The following CELF2 variants were observed in gnomAD, a reference collection of about 807,000 sequenced individuals.
CELF2 encodes CUG triplet repeat RNA-binding protein 2.
CELF2 carries 8 observed loss-of-function variants against 62.6 expected under a neutral mutation model. The observed-to-expected ratio is 0.13, with a 90% CI of 0.07 to 0.23. The LOEUF (loss-of-function observed/expected upper bound fraction) is 0.23, where lower values mean the gene tolerates loss of function less well. CELF2 is among the 10% of genes least tolerant of loss of function. The pLI, the probability that CELF2 is intolerant of heterozygous loss-of-function variation, is 1.00. For missense variants in CELF2, 333 were observed against 671.0 expected, an observed-to-expected ratio of 0.50 and a Z score of 5.56; for synonymous variants, 258 against 250.0, an observed-to-expected ratio of 1.03 and a Z score of -0.30.
At chr10:10,508,966 G>A in the CELF2 span, among the ~76,000 whole-genome samples, 13 of 152,024 alleles carry the variant, frequency 8.6e-5, no homozygotes, top group Non-Finnish European at 1.9e-4. Context: ...GAGCCACTGC[G>A]CCCGGCCCAG....
rs538626463 is a variant in CELF2 at position 11,165,871 on chromosome 10, C to T, written c.271+189C>T. 1.3e-5 allele frequency among the ~76,000 whole-genome samples: 2 copies of T among 152,310 alleles called. No homozygotes were observed. The highest frequency in any genetic ancestry group is 2.1e-4 in the South Asian group (1 of 4,830). On this transcript the variant is annotated intron_variant, in intron 2 of 12. Transcript: ENST00000633077. This position sits in a 1 kb window ranked among gnomAD's most constrained non-coding sequence, Gnocchi z 7.4. ...CCCGCACCCCCGCCCGCCTGCCCGC[C>T]GGGACAGGTTGGAGGCGGGAGAGAG...
intron 1 of CELF2, among the ~76,000 whole-genome samples, chr10:10,890,427 T>G (rs1223285604): frequency 1.3e-5 from 2 of 152,200 alleles, no homozygotes; most frequent in Non-Finnish European, 2.9e-5. Flanking sequence ...AAATGCTTTG[T>G]CAACTACAAA....
chr10:11,077,243 G>A (rs1355383732), intron 1 of CELF2, among the ~76,000 whole-genome samples: 4 of 152,220 alleles, frequency 2.6e-5, no homozygotes, highest in Non-Finnish European at 4.4e-5. Flanking sequence ...GGAGGAATGT[G>A]TGCCAACACC....
chr10:11,266,837 C>T (rs2082285333), intron 6 of CELF2, among the ~76,000 whole-genome samples, 160 bp downstream of exon 6: 1 of 152,176 alleles, frequency 6.6e-6, no homozygotes, highest in South Asian at 2.1e-4. Context: ...TTCTCTCTCT[C>T]TCTCTCTTTC....
At chr10:10,549,358 A>G in the CELF2 span, among the ~76,000 whole-genome samples, 6 of 152,320 alleles carry the variant, frequency 3.9e-5, no homozygotes, top group South Asian at 1.2e-3. Context: ...ATCTTGGCTC[A>G]CTGCAACTTC....
rs571191862 is a variant in CELF2, at chr10:11,211,876, G to A, written c.272-5549G>A. 6.8e-6 allele frequency among the ~76,000 whole-genome samples: 1 copy of A among 147,960 alleles called. No individual in the cohort carries two copies. Among genetic ancestry groups the A allele is most frequent in the South Asian group, 2.2e-4 (1 of 4,618 alleles). On this transcript the variant is annotated intron_variant, in intron 2 of 12. Coordinates refer to ENST00000633077, the MANE Select transcript of CELF2 (RefSeq NM_001326342.2). The surrounding 1 kb of genome is among the most constrained non-coding windows in gnomAD (Gnocchi z 4.8). ...TGTGTAACTACCATTGGCCTTTGGG[G>A]CTTTATCTTTGGAAACAGCAAAAAT...
chr10:10,970,022 G>A (rs2050593785), intron 2 of CELF2, among the ~76,000 whole-genome samples: 1 of 152,128 alleles, frequency 6.6e-6, no homozygotes, highest in African/African-American at 2.4e-5. Context: ...TAACTACAAT[G>A]ACATCTTTAG....
the CELF2 span, among the ~76,000 whole-genome samples, chr10:10,537,907 C>T: frequency 5.3e-5 from 8 of 152,152 alleles, no homozygotes; most frequent in Non-Finnish European, 8.8e-5. Flanking sequence ...GGGCAGAAGA[C>T]TTGGGGGGTC....
intron 3 of CELF2, among the ~76,000 whole-genome samples, chr10:11,232,303 C>T (rs74115793): frequency 0.099 from 15,019 of 152,114 alleles, 1,000 homozygotes; most frequent in East Asian, 0.23. Flanking sequence ...TTAATGTAGT[C>T]GGGGCTAAAA....
chr10:11,009,007 G>GC (rs1452364030), intron 1 of CELF2, among the ~76,000 whole-genome samples: 2 of 13,960 alleles, frequency 1.4e-4, no homozygotes, highest in South Asian at 2.5e-3. Context: ...GGAATTTGCG[G>GC]GGGGGGGGGG....
At chr10:10,485,302 T>C in the CELF2 span, among the ~76,000 whole-genome samples, 2 of 152,246 alleles carry the variant, frequency 1.3e-5, no homozygotes. Flanking sequence ...CAGGTGTTCA[T>C]AGCATTGTTC....
chr10:11,049,676 C>T (rs1173257848), intron 1 of CELF2, among the ~76,000 whole-genome samples: 1 of 151,280 alleles, frequency 6.6e-6, no homozygotes, highest in Non-Finnish European at 1.5e-5. Context: ...AGAATTTGGA[C>T]TAGAAAGGGC....
chr10:10,828,556 G>T (rs1402935208), intron 1 of CELF2, among the ~76,000 whole-genome samples: 1 of 152,132 alleles, frequency 6.6e-6, no homozygotes, highest in Admixed American at 6.5e-5. Context: ...ATTTCAGTTT[G>T]GGATGAAAAG....
At chr10:10,843,024 T>C (rs2058782774) in intron 1 of CELF2, among the ~76,000 whole-genome samples, 1 of 152,052 alleles carries the variant, frequency 6.6e-6, no homozygotes, top group African/African-American at 2.4e-5. Context: ...TTTGGTAGTT[T>C]ATGTTTTTTA....
At position 11,165,295 on chromosome 10, in the gene CELF2, C is replaced by T; in HGVS notation, c.75-191C>T. On this transcript the variant is annotated intron_variant, in intron 1 of 12. Transcript: ENST00000633077. This position sits in a 1 kb window ranked among gnomAD's most constrained non-coding sequence, Gnocchi z 7.4. ...ACAGCAGCACGCAGTGAGAGCCTCGCCGCCGCCGAGGAGCAACTCATGGTG... is the reference window on the plus strand; with the variant it reads ...ACAGCAGCACGCAGTGAGAGCCTCGTCGCCGCCGAGGAGCAACTCATGGTG... 7.1e-7 allele frequency: 1 copy of T among 1,399,984 alleles called. No individual in the cohort carries two copies. The highest frequency in any genetic ancestry group is 2.0e-4 in the Middle Eastern group (1 of 5,018). 86.7% of individuals were successfully genotyped at this position (1,399,984 alleles called of 1,614,324 possible).
At chr10:10,753,132 G>A in the CELF2 span, among the ~76,000 whole-genome samples, 2 of 152,136 alleles carry the variant, frequency 1.3e-5, no homozygotes, top group African/African-American at 4.8e-5. Flanking sequence ...AGCATTGCTT[G>A]GTGAAATGTT....
chr10:10,640,885 A>G, the CELF2 span, among the ~76,000 whole-genome samples: 1 of 152,170 alleles, frequency 6.6e-6, no homozygotes. Flanking sequence ...TGGAAACTCC[A>G]TTGGCCATCT....
At chr10:10,699,264 T>A in the CELF2 span, among the ~76,000 whole-genome samples, 1 of 152,244 alleles carries the variant, frequency 6.6e-6, no homozygotes, top group Non-Finnish European at 1.5e-5. Flanking sequence ...AGGACACCTC[T>A]AAGTTTCTTT....
the CELF2 span, among the ~76,000 whole-genome samples, chr10:10,692,408 G>A: frequency 3.3e-5 from 5 of 149,694 alleles, no homozygotes; most frequent in East Asian, 3.9e-4. Flanking sequence ...TTTGGTTACT[G>A]TAGCCTTGTA....
Sources: gnomAD v4.1 joint callset for allele counts (sites outside exome capture counted in the v4.1 genomes callset) on GRCh38, gnomAD v4.1.1 for gene constraint, Gnocchi (gnomAD v3.1) non-coding constraint, MANE v1.5 for transcripts, NCBI Gene and HGNC (gene_info 2026-07-23, HGNC 2026-07-21) for gene names.